EDEM3: variants seen among roughly 807,000 people sequenced by gnomAD.
EDEM3 encodes the protein ER degradation enhancing alpha-mannosidase like protein 3.
EDEM3 carries 60 observed loss-of-function variants against 110.2 expected under a neutral mutation model. That is an observed-to-expected ratio of 0.54 (90% CI 0.44 to 0.67). The LOEUF (loss-of-function observed/expected upper bound fraction) is 0.67, where lower values mean the gene tolerates loss of function less well. Among genes scored for constraint, EDEM3 ranks in the 30% least tolerant of loss-of-function variants. EDEM3 has a pLI of 0.00. For missense variants in EDEM3, 996 were observed against 1,121.0 expected, an observed-to-expected ratio of 0.89 and a Z score of 1.59; for synonymous variants, 352 against 382.9, an observed-to-expected ratio of 0.92 and a Z score of 0.94.
intron 8 of EDEM3, among the ~76,000 whole-genome samples, 159 bp downstream of exon 8, chr1:184,723,592 C>CA (rs1292577906): frequency 6.6e-6 from 1 of 151,696 alleles, no homozygotes; most frequent in Non-Finnish European, 1.5e-5. Flanking sequence ...CATTTGGCAT[C>CA]AAAAAAGAAA....
At chr1:184,728,022 A>G (rs1651282761) in intron 6 of EDEM3, among the ~76,000 whole-genome samples, 1 of 152,230 alleles carries the variant, frequency 6.6e-6, no homozygotes, top group Non-Finnish European at 1.5e-5. Context: ...AAATATTTGC[A>G]ATAAGAATCA....
chr1:184,713,791 T>C (rs985158425), intron 13 of EDEM3, among the ~76,000 whole-genome samples: 2 of 152,244 alleles, frequency 1.3e-5, no homozygotes, highest in African/African-American at 4.8e-5. Flanking sequence ...ATAAGGACTA[T>C]GAGCTTCAGT....
intron 1 of EDEM3, 72 bp downstream of exon 1, chr1:184,754,417 G>T: frequency 5.6e-6 from 9 of 1,597,534 alleles, no homozygotes; most frequent in Non-Finnish European, 7.7e-6. Context: ...ACGCGACCGG[G>T]TCGCAATGAC....
chr1:184,724,753 GC>G (rs1651101478), intron 7 of EDEM3, among the ~76,000 whole-genome samples: 1 of 152,140 alleles, frequency 6.6e-6, no homozygotes, highest in Admixed American at 6.5e-5. Flanking sequence ...GAATTTCAGA[GC>G]CAGGAAACTT....
chr1:184,703,518 T>C (rs548199926), intron 18 of EDEM3, among the ~76,000 whole-genome samples: 13 of 152,352 alleles, frequency 8.5e-5, no homozygotes, highest in African/African-American at 3.1e-4. Context: ...AGAATAGTTA[T>C]GACTATAGTG....
At chr1:184,730,119 T>C (rs539734798) in intron 6 of EDEM3, among the ~76,000 whole-genome samples, 3 of 152,294 alleles carry the variant, frequency 2.0e-5, no homozygotes, top group African/African-American at 7.2e-5. Context: ...AAATGACACA[T>C]GTACTTTTAC....
At chr1:184,731,363 G>A (rs917085290) in intron 6 of EDEM3, among the ~76,000 whole-genome samples, 1 of 152,150 alleles carries the variant, frequency 6.6e-6, no homozygotes, top group Non-Finnish European at 1.5e-5. Context: ...CAACACAGAA[G>A]AAATCTTAAA....
intron 6 of EDEM3, among the ~76,000 whole-genome samples, chr1:184,729,227 TTCC>T (rs767485202): frequency 2.6e-5 from 4 of 152,168 alleles, no homozygotes; most frequent in Non-Finnish European, 4.4e-5. Flanking sequence ...TAGAATCTGG[TTCC>T]TCCTAATTCT....
intron 5 of EDEM3, among the ~76,000 whole-genome samples, 188 bp downstream of exon 5, chr1:184,734,343 C>A (rs561432368): frequency 6.6e-6 from 1 of 152,080 alleles, no homozygotes; most frequent in East Asian, 1.9e-4. Context: ...GTGGTATGCA[C>A]CTGTAGTCCC....
At chr1:184,728,445 C>T (rs921316193) in intron 6 of EDEM3, among the ~76,000 whole-genome samples, 6 of 151,990 alleles carry the variant, frequency 3.9e-5, no homozygotes, top group African/African-American at 7.2e-5. Context: ...GAATCATGAG[C>T]GTTTTAGTAC....
chr1:184,719,644 G>A (rs1650770856), intron 9 of EDEM3, 76 bp from the exon 10 acceptor site: 2 of 1,392,592 alleles, frequency 1.4e-6, no homozygotes, highest in Middle Eastern at 1.9e-4. Flanking sequence ...AAATAGCACT[G>A]TGAATAAATT....
At position 184,754,675 on chromosome 1, in the gene EDEM3, G is replaced by A; in HGVS notation, c.-29C>T. 6.6e-7 allele frequency: 1 copy of A among 1,511,356 alleles called. No homozygotes were observed. The highest frequency in any genetic ancestry group is 8.8e-7 in the Non-Finnish European group (1 of 1,131,768). The allele number at this position is 1,511,356 out of a possible 1,614,324, so 93.6% of individuals were successfully genotyped here. On this transcript the variant is annotated 5_prime_UTR_variant, in exon 1 of 20. Coordinates refer to ENST00000318130, the MANE Select transcript of EDEM3 (RefSeq NM_025191.4). Reference sequence around the variant, plus strand: ...CCCGCGGTTCCGCGCACGCGCAGCTGCTACGCCCGGCCGGTGAGACACATT... The same window carrying A: ...CCCGCGGTTCCGCGCACGCGCAGCTACTACGCCCGGCCGGTGAGACACATT...
chr1:184,703,100 C>T, intron 18 of EDEM3, 104 bp from the exon 19 acceptor site: 1 of 912,510 alleles, frequency 1.1e-6, no homozygotes, highest in Non-Finnish European at 1.5e-6. Flanking sequence ...TAATTTTATG[C>T]ATCAAGAACC....
chr1:184,723,930 C>T, intron 7 of EDEM3, 74 bp from the exon 8 acceptor site: 1 of 1,110,998 alleles, frequency 9.0e-7, no homozygotes, highest in East Asian at 2.8e-5. Context: ...AAATAGGAAA[C>T]TAACAAACAA....
At chr1:184,707,467 C>A (rs1649990575) in intron 17 of EDEM3, among the ~76,000 whole-genome samples, 1 of 152,214 alleles carries the variant, frequency 6.6e-6, no homozygotes, top group Non-Finnish European at 1.5e-5. Context: ...ATAGTAGGCA[C>A]TCAATCAACA....
chr1:184,750,512 C>CTTTTCT (rs1652699831), intron 1 of EDEM3, among the ~76,000 whole-genome samples: 1 of 108,854 alleles, frequency 9.2e-6, no homozygotes, highest in Non-Finnish European at 2.0e-5. Flanking sequence ...TTTTTATTAA[C>CTTTTCT]TTTTTCTTTT....
chr1:184,698,453 A>G (rs1174454452), intron 19 of EDEM3, among the ~76,000 whole-genome samples: 1 of 151,872 alleles, frequency 6.6e-6, no homozygotes, highest in Non-Finnish European at 1.5e-5. Context: ...TTTCAAAAGA[A>G]TAAGTTATGC....
In EDEM3 at chr1:184,749,551, T is replaced by C. The variant is rs749410139; in HGVS notation, c.200A>G (p.Tyr67Cys). The C allele has an allele frequency of 1.3e-6, 2 of 1,574,836 alleles. No individual in the cohort carries two copies. Among genetic ancestry groups the C allele is most frequent in the South Asian group, 1.2e-5 (1 of 85,412 alleles). ...LEMFDHAYGN[Y>C]MEHAYPADEL... is the part of the protein sequence containing the mutation. ...AAAGATAAGCTTCCTACTTACCATA[T>C]AGTTACCATAAGCATGATCAAACAT... Residue 67 changes from tyrosine to cysteine, a missense_variant, in exon 2 of 20, where the codon TAT (tyrosine) becomes TGT (cysteine). Tyr to Cys is a radical substitution (Grantham distance 194, BLOSUM62 -2). Transcript: ENST00000318130.
intron 10 of EDEM3, 61 bp from the exon 11 acceptor site, chr1:184,719,306 TTACA>T (rs1345376611): frequency 2.1e-5 from 31 of 1,509,574 alleles, no homozygotes; most frequent in Non-Finnish European, 2.6e-5. Context: ...TCTCTAATCA[TTACA>T]TAAACAGAAA....
Sources: allele counts gnomAD v4.1 joint callset (sites outside exome capture counted in the v4.1 genomes callset), GRCh38; gene constraint gnomAD v4.1.1; transcripts MANE v1.5; gene names NCBI Gene and HGNC (gene_info 2026-07-23, HGNC 2026-07-21).